SMYD3: variants seen among roughly 807,000 people sequenced by gnomAD.
The protein encoded by SMYD3 is histone-lysine N-methyltransferase SMYD3.
In SMYD3, 36 loss-of-function variants were observed where a neutral mutation model predicts 57.7. That is an observed-to-expected ratio of 0.62 (90% CI 0.48 to 0.82). The LOEUF (loss-of-function observed/expected upper bound fraction) is 0.82. Ranked by LOEUF, SMYD3 falls within the 40% of genes least tolerant of loss-of-function variation. SMYD3 has a pLI of 0.00. For synonymous variants in SMYD3, 211 were observed against 195.0 expected (o/e 1.08, Z -0.68); for missense variants, 515 against 538.8 (o/e 0.96, Z 0.44).
intron 6 of SMYD3, among the ~76,000 whole-genome samples, chr1:245,929,394 C>A (rs956472746): frequency 1.3e-5 from 2 of 152,206 alleles, no homozygotes; most frequent in Non-Finnish European, 1.5e-5. Context: ...AGAGTCAGCT[C>A]AGCAATAGCT....
chr1:246,368,044 T>TGC (rs1267083615), intron 1 of SMYD3, among the ~76,000 whole-genome samples: 1 of 152,202 alleles, frequency 6.6e-6, no homozygotes, highest in Non-Finnish European at 1.5e-5. Flanking sequence ...AAGTCCTCTC[T>TGC]TCTGGGTATA....
chr1:246,185,800 G>C (rs1274848652), intron 5 of SMYD3, among the ~76,000 whole-genome samples: 1 of 152,102 alleles, frequency 6.6e-6, no homozygotes, highest in Non-Finnish European at 1.5e-5. Context: ...AAAGTATCTT[G>C]TACAATGGTA....
chr1:245,923,363 C>T (rs1222717361), intron 7 of SMYD3, among the ~76,000 whole-genome samples: 4 of 152,050 alleles, frequency 2.6e-5, no homozygotes, highest in South Asian at 2.1e-4. Context: ...TCCCGCTGCT[C>T]GTCCTTCTCC....
chr1:245,879,325 AAGTGCTGTGC>A (rs2052649493), intron 8 of SMYD3, among the ~76,000 whole-genome samples: 2 of 152,246 alleles, frequency 1.3e-5, no homozygotes, highest in Non-Finnish European at 2.9e-5. Flanking sequence ...ATAATATGCA[AAGTGCTGTGC>A]ATAGCAACTG....
chr1:246,080,048 G>A (rs2060612530), intron 5 of SMYD3, among the ~76,000 whole-genome samples: 1 of 152,108 alleles, frequency 6.6e-6, no homozygotes, highest in African/African-American at 2.4e-5. Flanking sequence ...TGGAACATCA[G>A]GGCTCTACAC....
chr1:246,362,690 T>C (rs891322744), intron 1 of SMYD3, among the ~76,000 whole-genome samples: 13 of 152,392 alleles, frequency 8.5e-5, no homozygotes, highest in Non-Finnish European at 1.3e-4. Flanking sequence ...CTCCAGCTCC[T>C]AACCGCGAGT....
intron 5 of SMYD3, among the ~76,000 whole-genome samples, chr1:246,278,766 T>C (rs1350902486): frequency 1.3e-5 from 2 of 152,042 alleles, no homozygotes; most frequent in Non-Finnish European, 2.9e-5. Context: ...ACAGAAACCA[T>C]ACGATTAAAA....
chr1:246,384,340 GAC>G (rs2066434627), intron 1 of SMYD3, among the ~76,000 whole-genome samples: 1 of 151,848 alleles, frequency 6.6e-6, no homozygotes. Flanking sequence ...AACAGAGATG[GAC>G]ACACACACAA....
At chr1:245,964,101 A>T (rs1197564022) in intron 5 of SMYD3, among the ~76,000 whole-genome samples, 1 of 152,204 alleles carries the variant, frequency 6.6e-6, no homozygotes, top group African/African-American at 2.4e-5. Context: ...CCATCATGGC[A>T]GAAGGCAAAG....
chr1:246,142,579 T>G (rs993320333), intron 5 of SMYD3, among the ~76,000 whole-genome samples: 2 of 152,222 alleles, frequency 1.3e-5, no homozygotes, highest in Admixed American at 6.5e-5. Flanking sequence ...TGTATACGCA[T>G]GGATACGCTT....
chr1:245,906,062 A>T (rs545625373), intron 8 of SMYD3, among the ~76,000 whole-genome samples: 5 of 152,328 alleles, frequency 3.3e-5, no homozygotes, highest in African/African-American at 1.2e-4. Flanking sequence ...ATTAAGGAAA[A>T]TCTCCAGGAC....
At chr1:246,006,182 C>A (rs2059164508) in intron 5 of SMYD3, among the ~76,000 whole-genome samples, 1 of 152,112 alleles carries the variant, frequency 6.6e-6, no homozygotes, top group African/African-American at 2.4e-5. Context: ...ATGTCATGGT[C>A]CCCCAAAGCC....
At chr1:245,802,222 G>T (rs1369547686) in intron 10 of SMYD3, among the ~76,000 whole-genome samples, 1 of 152,122 alleles carries the variant, frequency 6.6e-6, no homozygotes, top group Non-Finnish European at 1.5e-5. Flanking sequence ...ACAGAATGGG[G>T]AGATTTGACT....
At chr1:246,040,265 G>A (rs2059845554) in intron 5 of SMYD3, among the ~76,000 whole-genome samples, 2 of 152,170 alleles carry the variant, frequency 1.3e-5, no homozygotes, top group Admixed American at 1.3e-4. Flanking sequence ...GCTCCGGAGG[G>A]GTTCAATAAG....
intron 5 of SMYD3, among the ~76,000 whole-genome samples, chr1:246,044,773 T>C (rs893671819): frequency 5.9e-5 from 9 of 152,302 alleles, no homozygotes; most frequent in Non-Finnish European, 1.2e-4. Flanking sequence ...ATAAGAACCA[T>C]TCAGCAAAAT....
chr1:246,049,310 G>C (rs901240203), intron 5 of SMYD3, among the ~76,000 whole-genome samples: 3 of 151,704 alleles, frequency 2.0e-5, no homozygotes, highest in Non-Finnish European at 4.4e-5. Context: ...TTGTTTGTTT[G>C]TTTTGAGATG....
rs576540549 is a variant in SMYD3 at position 246,401,702 on chromosome 1, T to C, written c.165-46608A>G. 6.6e-4 allele frequency among the ~76,000 whole-genome samples: 97 copies of C among 146,300 alleles called. 1 individual carries two copies. The highest frequency in any genetic ancestry group is 2.3e-3 in the African/African-American group (93 of 39,612). The stretch of plus-strand genomic sequence containing the variant: ...AGTTCTAAAACATCCAGTAGCAATG[T>C]TCTTAAATCCCAGTAATTCAGGTGC... On this transcript the variant is annotated intron_variant, in intron 1 of 11. Coordinates refer to ENST00000490107, the MANE Select transcript of SMYD3 (RefSeq NM_001167740.2).
At chr1:246,029,453 C>T (rs2148255637) in intron 5 of SMYD3, among the ~76,000 whole-genome samples, 1 of 152,092 alleles carries the variant, frequency 6.6e-6, no homozygotes, top group East Asian at 1.9e-4. Flanking sequence ...GGGCAGATCA[C>T]CTGAGGTCAG....
intron 2 of SMYD3, 64 bp downstream of exon 2, chr1:246,354,967 T>G: frequency 6.7e-7 from 1 of 1,482,434 alleles, no homozygotes; most frequent in East Asian, 2.3e-5. Flanking sequence ...ACAGGTATAG[T>G]GAAGGACAAA....
Sources: allele counts gnomAD v4.1 joint callset (sites outside exome capture counted in the v4.1 genomes callset), GRCh38; gene constraint gnomAD v4.1.1; transcripts MANE v1.5; gene names NCBI Gene and HGNC (gene_info 2026-07-23, HGNC 2026-07-21).